The following SHISA9 variants were observed in gnomAD, a reference collection of about 807,000 sequenced individuals.
SHISA9 encodes the protein shisa family member 9, also known as protein shisa-9.
Under a neutral mutation model 38.0 loss-of-function variants are expected in SHISA9, and 13 were observed. That is an observed-to-expected ratio of 0.34 (90% CI 0.22 to 0.54). The LOEUF is 0.54. Ranked by LOEUF, SHISA9 falls within the 20% of genes least tolerant of loss-of-function variation. SHISA9 has a pLI of 0.91. For missense variants in SHISA9, 538 were observed against 575.8 expected (o/e 0.93, Z 0.67); for synonymous variants, 275 against 242.0 (o/e 1.14, Z -1.27).
chr16:13,168,213 C>G (rs1596697183), intron 2 of SHISA9, among the ~76,000 whole-genome samples: 1 of 152,242 alleles, frequency 6.6e-6, no homozygotes, highest in Non-Finnish European at 1.5e-5. Flanking sequence ...GATTACCCAT[C>G]TGTCCTAATC....
chr16:13,267,875 GTT>G, the SHISA9 span, among the ~76,000 whole-genome samples: 26,583 of 137,266 alleles, frequency 0.19, 2,396 homozygotes, highest in Middle Eastern at 0.22. Flanking sequence ...TGTTTCTCAG[GTT>G]TTTTTTTTTT....
intron 4 of SHISA9, among the ~76,000 whole-genome samples, chr16:13,226,422 A>G (rs1348650083): frequency 1.3e-5 from 2 of 152,216 alleles, no homozygotes; most frequent in South Asian, 2.1e-4. Flanking sequence ...ATGAATAGGC[A>G]TGAATGATAT....
chr16:13,068,842 G>A (rs2073465992), intron 2 of SHISA9, among the ~76,000 whole-genome samples: 1 of 151,286 alleles, frequency 6.6e-6, no homozygotes, highest in Non-Finnish European at 1.5e-5. Flanking sequence ...ATGCATGTAT[G>A]TGTATATATA....
Position 13,103,559 on chromosome 16 carries a change from A to G in SHISA9, c.692-99835A>G, listed in dbSNP as rs148797742. ...CTCAGCTCTTGAACACAGTAACCCA[A>G]CCTGCCTAGGCCTCTCAGTCTGTGA... On this transcript the variant is annotated intron_variant, in intron 2 of 4. Transcript: ENST00000558583. 3.5e-3 allele frequency among the ~76,000 whole-genome samples: 531 copies of G among 152,194 alleles called. 4 individuals carry two copies. The highest frequency in any genetic ancestry group is 4.3e-3 in the Non-Finnish European group (292 of 68,004).
At chr16:13,002,826 C>T (rs528869096) in intron 2 of SHISA9, among the ~76,000 whole-genome samples, 1 of 152,248 alleles carries the variant, frequency 6.6e-6, no homozygotes, top group Admixed American at 6.5e-5. Context: ...AGCCACTGTG[C>T]CCAGCCAGTT....
At chr16:13,380,454 A>G in the SHISA9 span, among the ~76,000 whole-genome samples, 1 of 152,324 alleles carries the variant, frequency 6.6e-6, no homozygotes, top group East Asian at 1.9e-4. Flanking sequence ...GTTAGAAACT[A>G]GAAGACACTA....
chr16:13,335,493 G>C, the SHISA9 span, among the ~76,000 whole-genome samples: 1 of 152,170 alleles, frequency 6.6e-6, no homozygotes, highest in Non-Finnish European at 1.5e-5. Flanking sequence ...CATCGGTTGA[G>C]AATGAAAAGG....
intron 4 of SHISA9, among the ~76,000 whole-genome samples, chr16:13,232,368 C>G (rs1486516873): frequency 6.6e-6 from 1 of 152,124 alleles, no homozygotes; most frequent in Non-Finnish European, 1.5e-5. Context: ...TGTCAGCAAA[C>G]CACCATGGCA....
At chr16:13,058,463 A>G (rs2073335544) in intron 2 of SHISA9, among the ~76,000 whole-genome samples, 1 of 152,138 alleles carries the variant, frequency 6.6e-6, no homozygotes, top group Admixed American at 6.5e-5. Context: ...TCTTTACACT[A>G]CTTCCTTCAT....
intron 2 of SHISA9, among the ~76,000 whole-genome samples, chr16:12,952,581 C>T (rs561443178): frequency 9.2e-5 from 14 of 152,114 alleles, no homozygotes; most frequent in Non-Finnish European, 1.9e-4. Flanking sequence ...AAGGGAGGGA[C>T]CTGGTGGGAG....
chr16:13,019,337 C>T (rs990057335), intron 2 of SHISA9, among the ~76,000 whole-genome samples: 2 of 152,054 alleles, frequency 1.3e-5, no homozygotes, highest in Admixed American at 6.6e-5. Flanking sequence ...GGCTAGAAGT[C>T]CAAGATCAAG....
the SHISA9 span, among the ~76,000 whole-genome samples, chr16:13,518,025 G>A: frequency 6.6e-6 from 1 of 152,272 alleles, no homozygotes; most frequent in Non-Finnish European, 1.5e-5. Context: ...CAGTCAAGGA[G>A]GAAGCCAGTC....
At chr16:13,198,648 G>C (rs1237966172) in intron 2 of SHISA9, among the ~76,000 whole-genome samples, 1 of 152,110 alleles carries the variant, frequency 6.6e-6, no homozygotes, top group African/African-American at 2.4e-5. Flanking sequence ...TGGGTTGCCA[G>C]GTCTGGTCTC....
the SHISA9 span, among the ~76,000 whole-genome samples, chr16:13,436,948 TG>T: frequency 6.6e-6 from 1 of 152,188 alleles, no homozygotes; most frequent in African/African-American, 2.4e-5. Flanking sequence ...AAGTCTTAAA[TG>T]GGGGCAGGCA....
chr16:13,173,467 T>TC (rs1181911303), intron 2 of SHISA9, among the ~76,000 whole-genome samples: 1 of 65,620 alleles, frequency 1.5e-5, no homozygotes, highest in African/African-American at 1.6e-4. Flanking sequence ...GGACCTGTGC[T>TC]GATAATAGGA....
intron 2 of SHISA9, among the ~76,000 whole-genome samples, chr16:13,136,236 A>T (rs541779525): frequency 7.9e-5 from 12 of 152,192 alleles, no homozygotes; most frequent in African/African-American, 2.6e-4. Context: ...TTGGGCACTT[A>T]TAGGGCAATA....
At chr16:13,520,998 G>C in the SHISA9 span, among the ~76,000 whole-genome samples, 1 of 152,144 alleles carries the variant, frequency 6.6e-6, no homozygotes, top group Admixed American at 6.5e-5. Context: ...AGAACACTCA[G>C]AATACACTCC....
At chr16:13,551,124 GA>G in the SHISA9 span, among the ~76,000 whole-genome samples, 39,367 of 133,766 alleles carry the variant, frequency 0.29, 5,361 homozygotes, top group African/African-American at 0.37. Flanking sequence ...ACTCCATCTC[GA>G]AAAAAAAAAA....
the SHISA9 span, among the ~76,000 whole-genome samples, chr16:13,488,153 T>A: frequency 1.3e-5 from 2 of 152,250 alleles, no homozygotes; most frequent in African/African-American, 4.8e-5. Context: ...TTCCCCACTC[T>A]TTCCACCTGA....
Sources: gnomAD v4.1 joint callset for allele counts (sites outside exome capture counted in the v4.1 genomes callset) on GRCh38, gnomAD v4.1.1 for gene constraint, MANE v1.5 for transcripts, NCBI Gene and HGNC (gene_info 2026-07-23, HGNC 2026-07-21) for gene names.